Variants in IL1RAPL2 observed in about 807,000 individuals in gnomAD.
IL1RAPL2 encodes interleukin 1 receptor accessory protein like 2, also known as X-linked interleukin-1 receptor accessory protein-like 2.
In IL1RAPL2, 3 loss-of-function variants were observed where a neutral mutation model predicts 44.1. The ratio of observed to expected loss-of-function variants is 0.07; its 90% confidence interval spans 0.03 to 0.18. The LOEUF (loss-of-function observed/expected upper bound fraction) is 0.18. IL1RAPL2 is among the 10% of genes least tolerant of loss of function. The probability of loss-of-function intolerance (pLI) is 1.00; values close to 1 mark genes in which losing one functional copy is unlikely to be tolerated. For missense variants in IL1RAPL2, 391 were observed against 496.4 expected, an observed-to-expected ratio of 0.79 and a Z score of 2.02; for synonymous variants, 181 against 178.8, an observed-to-expected ratio of 1.01 and a Z score of -0.10.
At chrX:105,576,800 T>G (rs1452921197) in intron 6 of IL1RAPL2, among the ~76,000 whole-genome samples, 2 of 111,493 alleles carry the variant, frequency 1.8e-5, no homozygotes, top group African/African-American at 6.5e-5. Flanking sequence ...TATCAAAAAT[T>G]CATTTATTCA....
Position 105,267,358 on chromosome X carries a change from T to A in IL1RAPL2, c.544-30T>A, listed in dbSNP as rs750927370. 4 of 1,171,936 alleles carry A rather than the reference T, an allele frequency of 3.4e-6. No individual in the cohort carries two copies. In the Admixed American group the frequency reaches 1.0e-4, roughly 29 times the overall value. Reference sequence around the variant, plus strand: ...AGATGTAGTCTGTGAAATTCTATTTTTTGCTTACTTGCAAATATTTTATCT... The same window carrying A: ...AGATGTAGTCTGTGAAATTCTATTTATTGCTTACTTGCAAATATTTTATCT... On this transcript the variant is annotated intron_variant, in intron 4 of 10. Transcript: ENST00000372582.
chrX:105,301,299 A>G (rs1406009478), intron 5 of IL1RAPL2, among the ~76,000 whole-genome samples: 2 of 111,607 alleles, frequency 1.8e-5, no homozygotes, highest in African/African-American at 6.5e-5. Flanking sequence ...AGGTATATAC[A>G]TTTCTGCAGT....
chrX:104,777,845 T>C (rs1932745281), intron 2 of IL1RAPL2, among the ~76,000 whole-genome samples: 1 of 110,536 alleles, frequency 9.0e-6, no homozygotes, highest in African/African-American at 3.3e-5. Context: ...GCCTCCCAAC[T>C]TACTGGTCTG....
intron 2 of IL1RAPL2, among the ~76,000 whole-genome samples, chrX:104,688,495 C>T (rs760410526): frequency 4.5e-5 from 5 of 111,466 alleles, no homozygotes; most frequent in Non-Finnish European, 9.4e-5. Flanking sequence ...ACTGATCCTA[C>T]ACCCCCAACG....
chrX:105,374,964 A>G (rs2035375742), intron 5 of IL1RAPL2, among the ~76,000 whole-genome samples: 1 of 106,477 alleles, frequency 9.4e-6, no homozygotes, highest in Non-Finnish European at 1.9e-5. Context: ...AAAAAAAAAA[A>G]AAGAATTCTA....
chrX:104,688,245 CACTA>C (rs1281252037), intron 2 of IL1RAPL2, among the ~76,000 whole-genome samples: 2 of 112,101 alleles, frequency 1.8e-5, no homozygotes, highest in South Asian at 3.7e-4. Context: ...GAGAGGTTGT[CACTA>C]ACCACCCCCA....
chrX:104,896,153 A>G (rs1694156660), intron 2 of IL1RAPL2, among the ~76,000 whole-genome samples: 1 of 112,014 alleles, frequency 8.9e-6, no homozygotes, highest in Non-Finnish European at 1.9e-5. Flanking sequence ...GAGTTGGGCA[A>G]CATGGCTTCT....
At chrX:105,470,190 A>G (rs2036156938) in intron 5 of IL1RAPL2, among the ~76,000 whole-genome samples, 1 of 111,533 alleles carries the variant, frequency 9.0e-6, no homozygotes, top group Non-Finnish European at 1.9e-5. Flanking sequence ...CAGCTTATAT[A>G]TTTAGAGATT....
At chrX:104,685,919 C>A (rs932090459) in intron 2 of IL1RAPL2, among the ~76,000 whole-genome samples, 2 of 108,509 alleles carry the variant, frequency 1.8e-5, no homozygotes, top group African/African-American at 6.7e-5. Flanking sequence ...CAGAGTGAGA[C>A]TCTGTCTCAA....
Position 105,767,770 on chromosome X carries a change from A to G in IL1RAPL2, c.*109A>G. On this transcript the variant is annotated 3_prime_UTR_variant, in exon 11 of 11. Coordinates refer to ENST00000372582, the MANE Select transcript of IL1RAPL2 (RefSeq NM_017416.2). The stretch of plus-strand genomic sequence containing the variant: ...GTGTTAAAAAAGTGTTTGAAGAAAA[A>G]GGTACAAAAATGGCTTTTATACTTA... 2 of 592,452 alleles carry G rather than the reference A, an allele frequency of 3.4e-6. No homozygotes were observed. Among genetic ancestry groups the G allele is most frequent in the Non-Finnish European group, 5.3e-6 (2 of 378,215 alleles). 48.8% of individuals were successfully genotyped at this position (592,452 alleles called of 1,213,427 possible).
intron 1 of IL1RAPL2, among the ~76,000 whole-genome samples, chrX:104,584,742 G>A (rs1236531671): frequency 9.0e-6 from 1 of 110,644 alleles, no homozygotes; most frequent in African/African-American, 3.3e-5. Flanking sequence ...AAGGAGCCAG[G>A]TCTTTTTAGA....
At chrX:105,679,591 T>G (rs1284897602) in intron 6 of IL1RAPL2, among the ~76,000 whole-genome samples, 1 of 111,894 alleles carries the variant, frequency 8.9e-6, no homozygotes, top group Admixed American at 9.5e-5. Flanking sequence ...AATTTATATA[T>G]CAGTTACCTT....
chrX:104,754,835 T>G (rs1047396911), intron 2 of IL1RAPL2, among the ~76,000 whole-genome samples: 2 of 111,900 alleles, frequency 1.8e-5, no homozygotes, highest in African/African-American at 3.2e-5. Flanking sequence ...GGCAGATTAC[T>G]TTCAAATAAA....
At chrX:104,808,567 T>C (rs756397890) in intron 2 of IL1RAPL2, among the ~76,000 whole-genome samples, 8 of 110,238 alleles carry the variant, frequency 7.3e-5, no homozygotes, top group Non-Finnish European at 1.3e-4. Flanking sequence ...GGAATAGGAG[T>C]CGCAAGAGCC....
intron 7 of IL1RAPL2, among the ~76,000 whole-genome samples, chrX:105,735,561 G>T (rs987927793): frequency 4.5e-5 from 5 of 110,882 alleles, no homozygotes; most frequent in Non-Finnish European, 7.6e-5. Flanking sequence ...ACCTACTCTT[G>T]TCTTCTATTC....
chrX:105,008,488 AC>A (rs1173769472), intron 2 of IL1RAPL2, among the ~76,000 whole-genome samples: 6 of 111,805 alleles, frequency 5.4e-5, no homozygotes, highest in African/African-American at 1.9e-4. Flanking sequence ...TTATACAAAA[AC>A]AAGAAATGGG....
chrX:105,533,498 C>T (rs1311633151), intron 6 of IL1RAPL2, among the ~76,000 whole-genome samples: 1 of 111,649 alleles, frequency 9.0e-6, no homozygotes, highest in African/African-American at 3.3e-5. Context: ...GCAGCTTTTG[C>T]CATTTTATCA....
intron 5 of IL1RAPL2, among the ~76,000 whole-genome samples, chrX:105,376,078 G>A (rs1321840440): frequency 1.8e-5 from 2 of 111,755 alleles, no homozygotes; most frequent in Non-Finnish European, 3.8e-5. Context: ...TGGGGCCTGG[G>A]CAACGAAGAT....
At chrX:105,665,753 T>TTTTTTTTTTTTGTTG (rs2037759802) in intron 6 of IL1RAPL2, among the ~76,000 whole-genome samples, 1 of 69,313 alleles carries the variant, frequency 1.4e-5, no homozygotes, top group Non-Finnish European at 2.8e-5. Flanking sequence ...TTTTTTTTTT[T>TTTTTTTTTTTTGTTG]TTGTTGTTGT....
Sources: allele counts gnomAD v4.1 joint callset (sites outside exome capture counted in the v4.1 genomes callset), GRCh38; gene constraint gnomAD v4.1.1; transcripts MANE v1.5; gene names NCBI Gene and HGNC (gene_info 2026-07-23, HGNC 2026-07-21).